MYO16: variants seen among roughly 807,000 people sequenced by gnomAD.
The protein encoded by MYO16 is unconventional myosin-XVI.
A neutral mutation model predicts 205.3 loss-of-function variants in MYO16; 94 were observed. The ratio of observed to expected loss-of-function variants is 0.46; its 90% CI spans 0.39 to 0.54. The LOEUF (loss-of-function observed/expected upper bound fraction) is 0.54, where lower values mean the gene tolerates loss of function less well. Ranked by LOEUF, MYO16 falls within the 20% of genes least tolerant of loss-of-function variation. The pLI, the probability that MYO16 is intolerant of heterozygous loss-of-function variation, is 0.00. For synonymous variants in MYO16, 988 were observed against 954.0 expected, an observed-to-expected ratio of 1.04 and a Z score of -0.66; for missense variants, 2,315 against 2,387.5, an observed-to-expected ratio of 0.97 and a Z score of 0.63.
At chr13:108,618,873 A>G (rs976947836) in intron 1 of MYO16, among the ~76,000 whole-genome samples, 2 of 152,200 alleles carry the variant, frequency 1.3e-5, no homozygotes, top group South Asian at 2.1e-4. Context: ...TATATACTAC[A>G]TGTACAATTC....
intron 1 of MYO16, among the ~76,000 whole-genome samples, chr13:108,632,180 A>C (rs1024128508): frequency 6.6e-6 from 1 of 151,884 alleles, no homozygotes; most frequent in Non-Finnish European, 1.5e-5. Flanking sequence ...CTGATGCGTA[A>C]GATTTTCCCA....
chr13:108,614,117 G>A (rs914285231), intron 1 of MYO16, among the ~76,000 whole-genome samples: 1 of 152,042 alleles, frequency 6.6e-6, no homozygotes, highest in African/African-American at 2.4e-5. Flanking sequence ...CAATAAATGA[G>A]TTCTGAATGT....
At chr13:108,645,061 G>T (rs776531764) in intron 1 of MYO16, among the ~76,000 whole-genome samples, 21 of 152,158 alleles carry the variant, frequency 1.4e-4, no homozygotes, top group Non-Finnish European at 2.2e-4. Flanking sequence ...GACATCAGGG[G>T]TGGGGACAAG....
At chr13:108,906,721 C>T (rs546487891) in intron 15 of MYO16, among the ~76,000 whole-genome samples, 10 of 152,270 alleles carry the variant, frequency 6.6e-5, no homozygotes, top group African/African-American at 1.7e-4. Context: ...GTATGGTACA[C>T]GGTAGGTGCT....
chr13:108,569,815 C>T, the MYO16 span, among the ~76,000 whole-genome samples: 1 of 151,164 alleles, frequency 6.6e-6, no homozygotes, highest in Non-Finnish European at 1.5e-5. Context: ...TGAGAAAATT[C>T]TCTTTCCAGT....
chr13:109,069,104 C>T (rs1887846728), intron 27 of MYO16, among the ~76,000 whole-genome samples: 1 of 152,118 alleles, frequency 6.6e-6, no homozygotes, highest in Non-Finnish European at 1.5e-5. Flanking sequence ...AAGAGCAGTT[C>T]TAATAATAAA....
At chr13:108,582,926 T>C in the MYO16 span, among the ~76,000 whole-genome samples, 1 of 152,226 alleles carries the variant, frequency 6.6e-6, no homozygotes, top group African/African-American at 2.4e-5. Context: ...ATTGGAGTTA[T>C]GAATGGAAAA....
intron 20 of MYO16, among the ~76,000 whole-genome samples, chr13:108,970,775 C>G (rs540969809): frequency 2.0e-4 from 31 of 152,194 alleles, no homozygotes; most frequent in Non-Finnish European, 4.1e-4. Flanking sequence ...GCTCCCACCC[C>G]CTCCGATAGT....
At position 108,806,314 on chromosome 13, in the gene MYO16, T is replaced by C. The variant is rs113090528; in HGVS notation, c.742-365T>C. 1.2e-4 allele frequency among the ~76,000 whole-genome samples: 19 copies of C among 152,332 alleles called. 1 individual carries two copies. Among genetic ancestry groups the C allele is most frequent in the African/African-American group, 4.6e-4 (19 of 41,574 alleles). ...TAGCACTAATACAATGCCTGGAATA[T>C]AGAGCTAATCAGCAAATATTTTACC... On this transcript the variant is annotated intron_variant, in intron 6 of 34. Coordinates refer to ENST00000457511, the MANE Select transcript of MYO16 (RefSeq NM_001198950.3).
intron 16 of MYO16, among the ~76,000 whole-genome samples, chr13:108,938,521 G>A (rs564802242): frequency 1.3e-5 from 2 of 152,338 alleles, no homozygotes; most frequent in African/African-American, 4.8e-5. Context: ...TAGAAATGGA[G>A]CTGGGAAACC....
intron 27 of MYO16, among the ~76,000 whole-genome samples, chr13:109,057,599 G>GAT (rs1345622258): frequency 1.3e-5 from 2 of 152,060 alleles, no homozygotes; most frequent in African/African-American, 4.8e-5. Flanking sequence ...TCCCTCGGTG[G>GAT]ATATCCCTTC....
intron 1 of MYO16, among the ~76,000 whole-genome samples, chr13:108,643,389 GA>G (rs1428545503): frequency 6.6e-6 from 1 of 152,140 alleles, no homozygotes; most frequent in East Asian, 1.9e-4. Context: ...ATGGTTTGTT[GA>G]ACTATTCACC....
the MYO16 span, among the ~76,000 whole-genome samples, chr13:108,543,757 T>A: frequency 1.1e-5 from 1 of 93,286 alleles, no homozygotes; most frequent in African/African-American, 4.0e-5. Context: ...TTTTTTTTTT[T>A]AATCACACAC....
At chr13:108,627,746 C>T (rs559539767), upstream of MYO16, among the ~76,000 whole-genome samples, 6 of 152,216 alleles carry the variant, frequency 3.9e-5, no homozygotes, top group Middle Eastern at 6.8e-3. Context: ...GCACAACATG[C>T]CCCTCTGAGT....
intron 3 of MYO16, among the ~76,000 whole-genome samples, chr13:108,717,959 A>G (rs1395054667): frequency 6.6e-6 from 1 of 152,190 alleles, no homozygotes; most frequent in East Asian, 1.9e-4. Flanking sequence ...GTTTTTATTC[A>G]AAGTTTAAAT....
intron 2 of MYO16, among the ~76,000 whole-genome samples, chr13:108,684,038 G>C (rs1026571540): frequency 6.6e-6 from 1 of 152,202 alleles, no homozygotes; most frequent in Non-Finnish European, 1.5e-5. Context: ...ACCACACCCA[G>C]ATAATTTTTG....
chr13:108,599,006 C>G (rs1314501932), intron 1 of MYO16, among the ~76,000 whole-genome samples: 1 of 115,604 alleles, frequency 8.7e-6, no homozygotes, highest in Non-Finnish European at 1.7e-5. Flanking sequence ...CCTCCCCCCA[C>G]CCCATCCCCA....
intron 16 of MYO16, among the ~76,000 whole-genome samples, chr13:108,954,929 C>T (rs1218702313): frequency 6.6e-6 from 1 of 152,122 alleles, no homozygotes; most frequent in African/African-American, 2.4e-5. Context: ...GAAGTAACAC[C>T]ACCCCAGGAG....
At chr13:108,700,799 C>T (rs1157240786) in intron 2 of MYO16, among the ~76,000 whole-genome samples, 2 of 152,084 alleles carry the variant, frequency 1.3e-5, no homozygotes, top group Non-Finnish European at 2.9e-5. Flanking sequence ...TAGAGTACTT[C>T]GAAAAACTGC....
Sources: allele counts gnomAD v4.1 joint callset (sites outside exome capture counted in the v4.1 genomes callset), GRCh38; gene constraint gnomAD v4.1.1; transcripts MANE v1.5; gene names NCBI Gene and HGNC (gene_info 2026-07-23, HGNC 2026-07-21).